TAF2: variants seen among roughly 807,000 people sequenced by gnomAD.
TAF2 encodes transcription initiation factor TFIID subunit 2.
A neutral mutation model predicts 138.5 loss-of-function variants in TAF2; 61 were observed. The observed-to-expected ratio is 0.44, with a 90% CI of 0.36 to 0.54. The LOEUF is 0.54. Among genes scored for constraint, TAF2 ranks in the 20% least tolerant of loss-of-function variants. TAF2 has a pLI of 0.00. For synonymous variants in TAF2, 475 were observed against 469.9 expected, an observed-to-expected ratio of 1.01 and a Z score of -0.14; for missense variants, 1,090 against 1,427.9, an observed-to-expected ratio of 0.76 and a Z score of 3.81.
Position 119,806,290 on chromosome 8 carries a change from G to C in TAF2, c.411C>G (p.His137Gln). The change falls in exon 4 of 26, where the codon CAC becomes CAG. Residue 137 changes from histidine to glutamine, a missense_variant. By Grantham distance (24) the His-to-Gln change is conservative (BLOSUM62 0). Coordinates refer to ENST00000378164, the MANE Select transcript of TAF2 (RefSeq NM_003184.4). ...CIKVPSELWK[H>Q]VDELKVLKIH... The stretch of plus-strand genomic sequence containing the variant: ...ATACTCTTGGTGCTTTACCATCAAC[G>C]TGTTTCCATAGCTCTGATGGAACCT... The C allele has an allele frequency of 6.2e-7, 1 of 1,613,094 alleles. No homozygotes were observed.
At chr8:119,806,254 G>A (rs1563907961) in intron 4 of TAF2, 29 bp downstream of exon 4, 1 of 1,555,666 alleles carries the variant, frequency 6.4e-7, no homozygotes, top group Non-Finnish European at 8.9e-7. Context: ...TGATTTTAGT[G>A]TACAGTCAAT....
At chr8:119,773,058 T>A (rs1821961042) in intron 18 of TAF2, among the ~76,000 whole-genome samples, 1 of 148,262 alleles carries the variant, frequency 6.7e-6, no homozygotes, top group African/African-American at 2.5e-5. Flanking sequence ...AGAATCAACA[T>A]CATCATTATT....
intron 2 of TAF2, among the ~76,000 whole-genome samples, chr8:119,826,595 C>CTT (rs34714105): frequency 4.1e-5 from 6 of 145,772 alleles, no homozygotes; most frequent in South Asian, 4.3e-4. Flanking sequence ...CCATTTCCTC[C>CTT]TTTTTTTTTT....
At chr8:119,767,501 C>T (rs935171475) in intron 18 of TAF2, among the ~76,000 whole-genome samples, 3 of 152,092 alleles carry the variant, frequency 2.0e-5, no homozygotes, top group Middle Eastern at 3.2e-3. Context: ...AGCAGGGAGC[C>T]GACACCTCTT....
intron 2 of TAF2, among the ~76,000 whole-genome samples, chr8:119,822,029 G>C (rs1351125171): frequency 1.3e-5 from 2 of 151,944 alleles, no homozygotes; most frequent in African/African-American, 4.8e-5. Flanking sequence ...AAAAAACAAA[G>C]ACAACTGAAA....
At chr8:119,780,333 C>T (rs1050584316) in intron 17 of TAF2, among the ~76,000 whole-genome samples, 8 of 151,976 alleles carry the variant, frequency 5.3e-5, no homozygotes. Flanking sequence ...GATCTTAATT[C>T]CAAAAAAGAT....
intron 22 of TAF2, among the ~76,000 whole-genome samples, chr8:119,750,958 T>A (rs1820310618): frequency 6.6e-6 from 1 of 152,112 alleles, no homozygotes; most frequent in Non-Finnish European, 1.5e-5. Flanking sequence ...TCCTTCATAA[T>A]GATAAAGAGT....
At chr8:119,747,013 A>G (rs969139991) in intron 22 of TAF2, 79 bp from the exon 23 acceptor site, 39 of 1,443,306 alleles carry the variant, frequency 2.7e-5, no homozygotes, top group Non-Finnish European at 2.5e-5. Context: ...CCTGAACAAC[A>G]AAAGGAACTT....
chr8:119,791,180 T>C (rs2131169663), intron 11 of TAF2, 144 bp downstream of exon 11: 1 of 853,970 alleles, frequency 1.2e-6, no homozygotes, highest in South Asian at 1.8e-5. Flanking sequence ...TCTGAGGAAA[T>C]GCAAATATAA....
intron 20 of TAF2, among the ~76,000 whole-genome samples, chr8:119,759,201 T>C (rs928277585): frequency 6.6e-6 from 1 of 152,126 alleles, no homozygotes; most frequent in Non-Finnish European, 1.5e-5. Flanking sequence ...TTATAAATAA[T>C]TATTTCTAAC....
chr8:119,739,532 T>C (rs1819456370), intron 25 of TAF2, among the ~76,000 whole-genome samples: 2 of 151,918 alleles, frequency 1.3e-5, no homozygotes, highest in Non-Finnish European at 2.9e-5. Flanking sequence ...TAAACCATAA[T>C]GTGTCCTCTA....
At chr8:119,790,370 G>A (rs1015937726) in intron 11 of TAF2, among the ~76,000 whole-genome samples, 1 of 151,986 alleles carries the variant, frequency 6.6e-6, no homozygotes, top group African/African-American at 2.4e-5. Flanking sequence ...AGCCTGGGAG[G>A]TCAAGGCTGC....
chr8:119,831,928 C>T (rs185483908), intron 1 of TAF2, among the ~76,000 whole-genome samples, 197 bp from the exon 2 acceptor site: 1,683 of 152,062 alleles, frequency 0.011, 32 homozygotes, highest in African/African-American at 0.038. Context: ...TGGGAGGCCA[C>T]GGCAAGCGGA....
intron 4 of TAF2, 63 bp from the exon 5 acceptor site, chr8:119,804,082 C>A: frequency 6.3e-6 from 10 of 1,575,900 alleles, no homozygotes; most frequent in Non-Finnish European, 7.0e-6. Flanking sequence ...ATAATAAAGA[C>A]AAAGATTTAA....
Position 119,744,278 on chromosome 8 carries a change from C to T in TAF2, c.3214+10G>A. The T allele has an allele frequency of 6.2e-7, 1 of 1,611,458 alleles. No individual in the cohort carries two copies. The highest frequency in any genetic ancestry group is 8.5e-7 in the Non-Finnish European group (1 of 1,177,828). ...CCATCTCCTCAATGATTGCAGAATA[C>T]TAATCTTACCTGGAGTTGACGGCCT... On this transcript the variant is annotated intron_variant, in intron 24 of 25. Transcript: ENST00000378164.
chr8:119,814,099 G>A (rs1825283172), intron 3 of TAF2, among the ~76,000 whole-genome samples: 1 of 151,900 alleles, frequency 6.6e-6, no homozygotes, highest in Non-Finnish European at 1.5e-5. Context: ...TTCCAGCCTG[G>A]GTGACAGAGC....
chr8:119,770,639 G>C (rs963472579), intron 18 of TAF2, among the ~76,000 whole-genome samples: 1 of 152,040 alleles, frequency 6.6e-6, no homozygotes, highest in Non-Finnish European at 1.5e-5. Flanking sequence ...CAACATAAAA[G>C]CACATGCAAG....
At chr8:119,798,279 T>A (rs1020721466) in intron 6 of TAF2, among the ~76,000 whole-genome samples, 1 of 152,214 alleles carries the variant, frequency 6.6e-6, no homozygotes, top group African/African-American at 2.4e-5. Context: ...TAAAAATAAT[T>A]ACTGTAGTCC....
intron 17 of TAF2, among the ~76,000 whole-genome samples, chr8:119,779,422 T>C (rs1440646952): frequency 1.3e-5 from 2 of 152,176 alleles, no homozygotes; most frequent in Admixed American, 6.5e-5. Context: ...TAATGGTTCA[T>C]AACTCCAATT....
Sources: gnomAD v4.1 joint callset for allele counts (sites outside exome capture counted in the v4.1 genomes callset) on GRCh38, gnomAD v4.1.1 for gene constraint, MANE v1.5 for transcripts, NCBI Gene and HGNC (gene_info 2026-07-23, HGNC 2026-07-21) for gene names.